LRRC4C: variants seen among roughly 807,000 people sequenced by gnomAD.
LRRC4C encodes leucine-rich repeat-containing protein 4C.
Under a neutral mutation model 33.6 loss-of-function variants are expected in LRRC4C, and 5 were observed. The observed-to-expected ratio is 0.15, with a 90% confidence interval of 0.08 to 0.31. The LOEUF (loss-of-function observed/expected upper bound fraction) is 0.31, where lower values mean the gene tolerates loss of function less well. LRRC4C is among the 10% of genes least tolerant of loss of function. LRRC4C has a pLI of 1.00. For missense variants in LRRC4C, 560 were observed against 796.7 expected, an observed-to-expected ratio of 0.70 and a Z score of 3.58; for synonymous variants, 329 against 302.0, an observed-to-expected ratio of 1.09 and a Z score of -0.93.
At chr11:40,784,617 G>C (rs1354026568) in intron 2 of LRRC4C, among the ~76,000 whole-genome samples, 2 of 151,996 alleles carry the variant, frequency 1.3e-5, no homozygotes, top group African/African-American at 4.8e-5. Flanking sequence ...TTCTTGTTTT[G>C]ATTGTTTGCA....
intron 3 of LRRC4C, among the ~76,000 whole-genome samples, chr11:40,393,438 T>G (rs980768130): frequency 1.3e-5 from 2 of 152,178 alleles, no homozygotes; most frequent in African/African-American, 2.4e-5. Flanking sequence ...ACATTAAGAA[T>G]GTACTTTGTT....
At chr11:40,616,465 G>A (rs895875221) in intron 3 of LRRC4C, among the ~76,000 whole-genome samples, 13 of 151,676 alleles carry the variant, frequency 8.6e-5, no homozygotes, top group Admixed American at 4.6e-4. Context: ...GCATGCATAT[G>A]TTTATTGCGG....
chr11:41,019,318 G>C (rs895916730), intron 1 of LRRC4C, among the ~76,000 whole-genome samples: 1 of 152,138 alleles, frequency 6.6e-6, no homozygotes, highest in Non-Finnish European at 1.5e-5. Flanking sequence ...ATGGCTTTCA[G>C]CTTCATCCAT....
At chr11:40,121,127 G>T (rs1015631563) in intron 6 of LRRC4C, among the ~76,000 whole-genome samples, 8 of 151,420 alleles carry the variant, frequency 5.3e-5, no homozygotes, top group African/African-American at 1.9e-4. Flanking sequence ...CAAATTTGTG[G>T]TAAGGATTTC....
At chr11:40,945,196 AT>A (rs1455512388) in intron 1 of LRRC4C, among the ~76,000 whole-genome samples, 2 of 100,156 alleles carry the variant, frequency 2.0e-5, no homozygotes, top group Non-Finnish European at 4.0e-5. Context: ...CGCCCGGCTA[AT>A]TTTTTTGTAT....
chr11:40,811,490 T>C (rs778709526), intron 2 of LRRC4C, among the ~76,000 whole-genome samples: 4 of 152,244 alleles, frequency 2.6e-5, no homozygotes, highest in African/African-American at 7.2e-5. Flanking sequence ...TGAATTAATA[T>C]ATAAATGGCA....
intron 2 of LRRC4C, among the ~76,000 whole-genome samples, chr11:40,664,626 A>G (rs1943620751): frequency 6.6e-6 from 1 of 152,162 alleles, no homozygotes; most frequent in African/African-American, 2.4e-5. Flanking sequence ...CAAAGAGACC[A>G]CAGAGATTAT....
chr11:41,104,319 AC>A lies in LRRC4C; in HGVS notation c.-495-170597del. Reference sequence around the variant, plus strand: ...AGCAACAGATTTGAATATGTATTTCACCAAAGAATAAATACAAATGGTCAGT... The same window carrying A: ...AGCAACAGATTTGAATATGTATTTCACAAAGAATAAATACAAATGGTCAGT... On this transcript the variant is annotated intron_variant, in intron 1 of 6. Coordinates refer to ENST00000528697, the MANE Select transcript of LRRC4C (RefSeq NM_001258419.2). Among the ~76,000 whole-genome samples, 3 of 152,060 alleles carry A rather than the reference AC, an allele frequency of 2.0e-5. No homozygotes were observed. The South Asian group carries it at 6.2e-4, about 32-fold the overall frequency.
chr11:41,094,041 G>A (rs1284412978), intron 1 of LRRC4C, among the ~76,000 whole-genome samples: 8 of 150,820 alleles, frequency 5.3e-5, no homozygotes, highest in Non-Finnish European at 1.0e-4. Context: ...CCCGGGAGAC[G>A]GAGGTTGCAG....
intron 4 of LRRC4C, among the ~76,000 whole-genome samples, chr11:40,254,374 G>T (rs987193946): frequency 2.0e-5 from 3 of 152,168 alleles, no homozygotes; most frequent in Non-Finnish European, 4.4e-5. Context: ...ATAGATTGTG[G>T]AGGGGCAGAA....
At chr11:41,223,791 G>A (rs982429613) in intron 1 of LRRC4C, among the ~76,000 whole-genome samples, 3 of 152,190 alleles carry the variant, frequency 2.0e-5, no homozygotes, top group Non-Finnish European at 4.4e-5. Flanking sequence ...CAGAGAATGG[G>A]CTTGTGTTCC....
At chr11:41,347,343 A>G (rs950341627) in intron 1 of LRRC4C, among the ~76,000 whole-genome samples, 27 of 152,182 alleles carry the variant, frequency 1.8e-4, no homozygotes, top group African/African-American at 6.5e-4. Context: ...ACAGGCATTT[A>G]AGGAGAGCTT....
intron 1 of LRRC4C, among the ~76,000 whole-genome samples, chr11:41,282,399 A>C (rs920050696): frequency 1.3e-5 from 2 of 152,240 alleles, no homozygotes; most frequent in African/African-American, 2.4e-5. Flanking sequence ...TGCTGAGCTT[A>C]AAATACCCTC....
At chr11:41,169,491 G>A (rs757027467) in intron 1 of LRRC4C, among the ~76,000 whole-genome samples, 22 of 152,034 alleles carry the variant, frequency 1.4e-4, no homozygotes, top group Non-Finnish European at 3.2e-4. Flanking sequence ...TATGCTGGAT[G>A]GGAACACATC....
chr11:40,488,831 A>G (rs984255758), intron 3 of LRRC4C, among the ~76,000 whole-genome samples: 2 of 152,030 alleles, frequency 1.3e-5, no homozygotes, highest in Non-Finnish European at 2.9e-5. Flanking sequence ...TCCTCACCTC[A>G]TGAAGTATCC....
intron 1 of LRRC4C, among the ~76,000 whole-genome samples, chr11:41,336,790 C>G (rs61877317): frequency 3.7e-4 from 57 of 152,240 alleles, no homozygotes; most frequent in Admixed American, 1.0e-3. Flanking sequence ...GGCACCAACC[C>G]CAAATGAGAG....
chr11:40,695,716 T>C (rs1328512922), intron 2 of LRRC4C, among the ~76,000 whole-genome samples: 1 of 151,898 alleles, frequency 6.6e-6, no homozygotes, highest in Non-Finnish European at 1.5e-5. Flanking sequence ...ATAGCTCCCT[T>C]CCATCTTCAA....
chr11:40,180,934 T>C (rs78388484), intron 5 of LRRC4C, among the ~76,000 whole-genome samples: 1,539 of 152,312 alleles, frequency 0.01, 12 homozygotes, highest in Non-Finnish European at 0.016. Context: ...ATAGGCAGCA[T>C]TTTTCTCTGA....
rs960902388 is a variant in LRRC4C at position 40,945,464 on chromosome 11, C to T, written c.-495-11741G>A. ...ATTAAAGCATGATAACATTTAAATA[C>T]ACTGTCTATACTCCTAAATATAATG... On this transcript the variant is annotated intron_variant, in intron 1 of 6. Coordinates refer to ENST00000528697, the MANE Select transcript of LRRC4C (RefSeq NM_001258419.2). Among the ~76,000 whole-genome samples the T allele has an allele frequency of 9.2e-5, 14 of 152,138 alleles. 1 individual carries two copies. The highest frequency in any genetic ancestry group is 9.2e-4 in the Admixed American group (14 of 15,254).
Sources: gnomAD v4.1 joint callset for allele counts (sites outside exome capture counted in the v4.1 genomes callset) on GRCh38, gnomAD v4.1.1 for gene constraint, MANE v1.5 for transcripts, NCBI Gene and HGNC (gene_info 2026-07-23, HGNC 2026-07-21) for gene names.